The following CADPS variants were observed in gnomAD, a reference collection of about 807,000 sequenced individuals.
CADPS encodes calcium dependent secretion activator, also known as calcium-dependent secretion activator 1.
CADPS carries 57 observed loss-of-function variants against 167.3 expected under a neutral mutation model. That is an observed-to-expected ratio of 0.34 (90% CI 0.28 to 0.42). The LOEUF (loss-of-function observed/expected upper bound fraction) is 0.42, where lower values mean the gene tolerates loss of function less well. Among genes scored for constraint, CADPS ranks in the 20% least tolerant of loss-of-function variants. The pLI, the probability that CADPS is intolerant of heterozygous loss-of-function variation, is 1.00. For synonymous variants in CADPS, 676 were observed against 635.3 expected (o/e 1.06, Z -0.96); for missense variants, 1,414 against 1,738.1 (o/e 0.81, Z 3.32).
At chr3:62,652,399 CAAAA>C (rs57075270) in intron 4 of CADPS, among the ~76,000 whole-genome samples, 3,361 of 120,092 alleles carry the variant, frequency 0.028, 94 homozygotes, top group African/African-American at 0.1. Flanking sequence ...TCTGTGTGGC[CAAAA>C]AAAAAAAAAA....
Position 62,651,062 on chromosome 3 carries a change from A to G in CADPS, c.988T>C (p.Phe330Leu). ...ATGTTTTCCATTTCTTTGGATACAA[A>G]CTTGGGAAATTTGCGTTCCTTGGGA... is the stretch of plus-strand genomic sequence containing the variant. ...QIARERKFPK[F>L]VSKEMENMYI... Residue 330 changes from phenylalanine (F) to leucine (L), a missense_variant, in exon 5 of 30, where the codon TTT becomes CTT. Around this residue, in one of 6 missense-constraint regions of CADPS, gnomAD observed 522 missense variants for 559.5 expected, o/e 0.93. Coordinates refer to ENST00000383710, the MANE Select transcript of CADPS (RefSeq NM_003716.4). 1.9e-6 allele frequency: 3 copies of G among 1,613,498 alleles called. No homozygotes were observed. Among genetic ancestry groups the G allele is most frequent in the Non-Finnish European group, 2.5e-6 (3 of 1,179,704 alleles).
At chr3:62,493,561 G>C (rs2064111512) in intron 19 of CADPS, 84 bp downstream of exon 19, 1 of 1,026,758 alleles carries the variant, frequency 9.7e-7, no homozygotes, top group Non-Finnish European at 1.5e-6. Flanking sequence ...TGATCTATTA[G>C]TTATTAGAGG....
At chr3:62,582,874 C>T (rs2083714967) in intron 8 of CADPS, among the ~76,000 whole-genome samples, 1 of 152,166 alleles carries the variant, frequency 6.6e-6, no homozygotes, top group Admixed American at 6.5e-5. Context: ...AAAAATTCCC[C>T]AATCCAAATC....
At chr3:62,725,643 T>C (rs540662985) in intron 3 of CADPS, among the ~76,000 whole-genome samples, 1 of 152,156 alleles carries the variant, frequency 6.6e-6, no homozygotes, top group South Asian at 2.1e-4. Context: ...ACATTGCTGG[T>C]ATACAGGAAA....
intron 5 of CADPS, among the ~76,000 whole-genome samples, chr3:62,647,139 C>T (rs2068771769): frequency 6.6e-6 from 1 of 152,118 alleles, no homozygotes; most frequent in Non-Finnish European, 1.5e-5. Flanking sequence ...CAGAGATATA[C>T]AATTAGTCCT....
rs914886048 is a variant in CADPS at position 62,474,110 on chromosome 3, G to A, written c.3477+63C>T. 33 of 1,198,816 alleles carry A rather than the reference G, an allele frequency of 2.8e-5. 1 individual carries two copies. In the East Asian group the frequency reaches 7.7e-4, roughly 28 times the overall value. 74.3% of individuals were successfully genotyped at this position (1,198,816 alleles called of 1,614,324 possible). Reference sequence around the variant, plus strand: ...AGGGTAGATGGAAGGAATTTGTGAAGTTTTCTTCTACATGATCAATGAAGA... The same window carrying A: ...AGGGTAGATGGAAGGAATTTGTGAAATTTTCTTCTACATGATCAATGAAGA... On this transcript the variant is annotated intron_variant, in intron 24 of 29. Coordinates refer to ENST00000383710, the MANE Select transcript of CADPS (RefSeq NM_003716.4).
chr3:62,723,456 C>T (rs1230725991), intron 3 of CADPS, among the ~76,000 whole-genome samples: 2 of 152,040 alleles, frequency 1.3e-5, no homozygotes, highest in Non-Finnish European at 2.9e-5. Flanking sequence ...GCATGTGGGG[C>T]TCACCTCTGC....
At chr3:62,705,442 G>A (rs1257973217) in intron 3 of CADPS, among the ~76,000 whole-genome samples, 1 of 152,120 alleles carries the variant, frequency 6.6e-6, no homozygotes, top group Non-Finnish European at 1.5e-5. Context: ...TGATTGGACT[G>A]AAGGATGCAA....
chr3:62,861,367 A>G (rs1280290686), intron 1 of CADPS, among the ~76,000 whole-genome samples: 1 of 152,214 alleles, frequency 6.6e-6, no homozygotes, highest in Admixed American at 6.5e-5. Flanking sequence ...ATGAACATTC[A>G]TAGCCCACAC....
At chr3:62,405,448 G>GC (rs1439767957) in intron 28 of CADPS, among the ~76,000 whole-genome samples, 19 of 128,056 alleles carry the variant, frequency 1.5e-4, no homozygotes, top group Non-Finnish European at 3.2e-4. Context: ...CACCTTTCAG[G>GC]AAAAAAAAAA....
intron 6 of CADPS, among the ~76,000 whole-genome samples, chr3:62,615,621 A>T (rs540904735): frequency 7.9e-5 from 12 of 152,324 alleles, no homozygotes; most frequent in Middle Eastern, 3.4e-3. Context: ...AAACAGCTGC[A>T]TGAGCAGAGA....
At chr3:62,654,708 C>A (rs1280661200) in intron 4 of CADPS, among the ~76,000 whole-genome samples, 1 of 152,136 alleles carries the variant, frequency 6.6e-6, no homozygotes, top group Non-Finnish European at 1.5e-5. Flanking sequence ...ATTACACTGA[C>A]CTGTATCTTG....
chr3:62,868,839 A>C (rs985464173), intron 1 of CADPS, among the ~76,000 whole-genome samples: 1 of 152,152 alleles, frequency 6.6e-6, no homozygotes, highest in Admixed American at 6.5e-5. Context: ...AGAAAGAACT[A>C]TCAACTCCTA....
In CADPS at chr3:62,639,328, A is replaced by G. The variant is rs191489493; in HGVS notation, c.1325+6394T>C. 3.1e-3 allele frequency among the ~76,000 whole-genome samples: 466 copies of G among 152,330 alleles called. 2 individuals carry two copies. The highest frequency in any genetic ancestry group is 9.3e-3 in the South Asian group (45 of 4,834). On this transcript the variant is annotated intron_variant, in intron 6 of 29. Transcript: ENST00000383710. ...TATCCAAGCTCCACGTTCTCGCTAC[A>G]TAATGTCTCTACGTAAATATCTCCT...
intron 1 of CADPS, among the ~76,000 whole-genome samples, chr3:62,844,542 G>A (rs1236394887): frequency 6.6e-6 from 1 of 152,120 alleles, no homozygotes; most frequent in Non-Finnish European, 1.5e-5. Flanking sequence ...GCCTGTGAAA[G>A]CCAAGGACAC....
rs781078945 is a variant in CADPS, at chr3:62,550,847, A to G, written c.1754-732T>C. 31 of 456,504 alleles carry G rather than the reference A, an allele frequency of 6.8e-5. 1 individual carries two copies. Among genetic ancestry groups the G allele is most frequent in the South Asian group, 3.1e-4 (20 of 64,562 alleles). The allele number at this position is 456,504 out of a possible 1,614,324, so 28.3% of individuals were successfully genotyped here. A position where few individuals can be genotyped will look rare whatever the true frequency, so the allele number is the denominator to read the frequency against. On this transcript the variant is annotated intron_variant, in intron 10 of 29. Transcript: ENST00000383710. ...CTCATTTTATTGGGCCCACCCACCT[A>G]TCAGCAGCATTTGCACTCCCTTCTC...
intron 28 of CADPS, among the ~76,000 whole-genome samples, chr3:62,405,402 T>C (rs534304715): frequency 6.6e-6 from 1 of 150,800 alleles, no homozygotes; most frequent in South Asian, 2.1e-4. Flanking sequence ...GCAAGCCTTG[T>C]GCAACATGCC....
intron 28 of CADPS, among the ~76,000 whole-genome samples, chr3:62,425,573 CT>C (rs1263322648): frequency 6.6e-6 from 1 of 152,108 alleles, no homozygotes; most frequent in East Asian, 1.9e-4. Flanking sequence ...ATGCATACCC[CT>C]GGTTAAGAAG....
chr3:62,615,037 C>T (rs1305846756), intron 6 of CADPS, among the ~76,000 whole-genome samples: 1 of 152,116 alleles, frequency 6.6e-6, no homozygotes, highest in Non-Finnish European at 1.5e-5. Flanking sequence ...GAAAATTTGT[C>T]AAGGATACAG....
Sources: allele counts gnomAD v4.1 joint callset (sites outside exome capture counted in the v4.1 genomes callset), GRCh38; gene constraint gnomAD v4.1.1; regional missense constraint gnomAD v4.1.1; transcripts MANE v1.5; gene names NCBI Gene and HGNC (gene_info 2026-07-23, HGNC 2026-07-21).